The following RBFOX1 variants were observed in gnomAD, a reference collection of about 807,000 sequenced individuals.
RBFOX1 encodes RNA binding fox-1 homolog 1, also known as RNA binding protein fox-1 homolog 1.
A neutral mutation model predicts 57.7 loss-of-function variants in RBFOX1; 8 were observed. That is an observed-to-expected ratio of 0.14 (90% confidence interval 0.08 to 0.25). The LOEUF is 0.25. Ranked by LOEUF, RBFOX1 falls within the 10% of genes least tolerant of loss-of-function variation. The probability of loss-of-function intolerance (pLI) is 1.00; values close to 1 mark genes in which losing one functional copy is unlikely to be tolerated. For missense variants in RBFOX1, 611 were observed against 548.5 expected, an observed-to-expected ratio of 1.11 and a Z score of -1.14; for synonymous variants, 326 against 222.4, an observed-to-expected ratio of 1.47 and a Z score of -4.15.
chr16:7,443,427 C>T (rs1231199780), intron 4 of RBFOX1, among the ~76,000 whole-genome samples: 2 of 151,510 alleles, frequency 1.3e-5, no homozygotes, highest in East Asian at 2.0e-4. Flanking sequence ...AAGAGCTCCC[C>T]CTCCCCTCTT....
chr16:6,428,285 C>CA (rs755273285), intron 2 of RBFOX1, among the ~76,000 whole-genome samples: 2,718 of 49,078 alleles, frequency 0.055, 101 homozygotes, highest in East Asian at 0.2. Context: ...GACCTTGTCT[C>CA]AAAAAAAAAA....
chr16:7,426,019 G>T (rs982265002), intron 4 of RBFOX1, among the ~76,000 whole-genome samples: 1 of 152,188 alleles, frequency 6.6e-6, no homozygotes, highest in African/African-American at 2.4e-5. Context: ...CGGCATCTGG[G>T]CCTCGGATGT....
chr16:5,589,340 A>G (rs2046933230), intron 2 of RBFOX1, among the ~76,000 whole-genome samples: 1 of 152,154 alleles, frequency 6.6e-6, no homozygotes, highest in Non-Finnish European at 1.5e-5. Context: ...CCCAGCGTTC[A>G]ACTTAGATGG....
chr16:6,678,486 A>C (rs1171794961), intron 3 of RBFOX1, among the ~76,000 whole-genome samples: 1 of 151,646 alleles, frequency 6.6e-6, no homozygotes, highest in Non-Finnish European at 1.5e-5. Context: ...TATGGGTCCT[A>C]AACCTTCAAA....
intron 5 of RBFOX1, among the ~76,000 whole-genome samples, chr16:7,535,604 CTT>C (rs2081286756): frequency 6.6e-6 from 1 of 152,194 alleles, no homozygotes; most frequent in African/African-American, 2.4e-5. Context: ...TTTGTAAACT[CTT>C]TCCTGACACC....
At chr16:6,637,167 TTA>T (rs1303306246) in intron 2 of RBFOX1, among the ~76,000 whole-genome samples, 3 of 82,062 alleles carry the variant, frequency 3.7e-5, no homozygotes, top group East Asian at 3.0e-4. Flanking sequence ...ATATTATATA[TTA>T]TATATATTAT....
At chr16:7,034,372 G>A (rs1370097101) in intron 3 of RBFOX1, among the ~76,000 whole-genome samples, 1 of 152,130 alleles carries the variant, frequency 6.6e-6, no homozygotes, top group Non-Finnish European at 1.5e-5. Flanking sequence ...CTGGAGGAGA[G>A]GGGGCTGAGG....
In RBFOX1 at chr16:7,712,889, G is replaced by T. The variant is rs553480803; in HGVS notation, c.*2144G>T. The T allele has an allele frequency of 1.3e-5, 2 of 152,320 alleles. No homozygotes were observed. Among genetic ancestry groups the T allele is most frequent in the Admixed American group, 6.5e-5 (1 of 15,298 alleles). The allele number at this position is 152,320 out of a possible 1,614,324, so 9.4% of individuals were successfully genotyped here. ...GAATCACAAACATAGAATTCTTACT[G>T]TGTTGGTTAAAGTAAAATTCATTTG... On this transcript the variant is annotated 3_prime_UTR_variant, in exon 16 of 16. Transcript: ENST00000550418.
intron 3 of RBFOX1, among the ~76,000 whole-genome samples, chr16:6,793,066 C>A (rs964200337): frequency 2.0e-5 from 3 of 151,608 alleles, no homozygotes; most frequent in African/African-American, 7.3e-5. Context: ...TGCTGTACAT[C>A]TGTTAGCCAC....
intron 7 of RBFOX1, among the ~76,000 whole-genome samples, chr16:7,592,869 G>T (rs1427635400): frequency 6.6e-6 from 1 of 152,018 alleles, no homozygotes; most frequent in Non-Finnish European, 1.5e-5. Flanking sequence ...TGGAGTACAG[G>T]GGTACAATCA....
chr16:6,532,986 G>A (rs903136853), intron 2 of RBFOX1, among the ~76,000 whole-genome samples: 6 of 152,134 alleles, frequency 3.9e-5, no homozygotes, highest in Non-Finnish European at 7.3e-5. Context: ...GTGATTACTC[G>A]AAGTTGTCCT....
At chr16:6,788,980 G>A (rs777358067) in intron 3 of RBFOX1, among the ~76,000 whole-genome samples, 4 of 152,076 alleles carry the variant, frequency 2.6e-5, no homozygotes, top group Non-Finnish European at 4.4e-5. Flanking sequence ...TGGGACATGT[G>A]GTTTTATTCC....
At chr16:5,649,182 C>G (rs762804602) in intron 3 of RBFOX1, among the ~76,000 whole-genome samples, 4 of 151,390 alleles carry the variant, frequency 2.6e-5, no homozygotes, top group Non-Finnish European at 5.9e-5. Flanking sequence ...TATATATGTA[C>G]TTTGTGTTTT....
chr16:5,661,051 A>T (rs2049631295), intron 3 of RBFOX1, among the ~76,000 whole-genome samples: 1 of 152,186 alleles, frequency 6.6e-6, no homozygotes, highest in African/African-American at 2.4e-5. Context: ...TGGCATACTC[A>T]TTCTGCACCT....
chr16:6,477,163 G>C (rs73524619), intron 2 of RBFOX1, among the ~76,000 whole-genome samples: 3,481 of 152,236 alleles, frequency 0.023, 110 homozygotes, highest in African/African-American at 0.068. Context: ...CCAAACTCCT[G>C]TTAATGTTGC....
At chr16:7,026,299 C>A (rs2040909503) in intron 3 of RBFOX1, among the ~76,000 whole-genome samples, 1 of 152,118 alleles carries the variant, frequency 6.6e-6, no homozygotes, top group South Asian at 2.1e-4. Flanking sequence ...GCCACCAGGC[C>A]ATGTTTAATG....
intron 3 of RBFOX1, among the ~76,000 whole-genome samples, chr16:6,878,293 G>A (rs540059770): frequency 6.6e-6 from 1 of 152,130 alleles, no homozygotes; most frequent in Non-Finnish European, 1.5e-5. Flanking sequence ...AGCAGTTCTG[G>A]CTAATGAACT....
chr16:6,138,452 T>C (rs901692467), intron 1 of RBFOX1, among the ~76,000 whole-genome samples: 6 of 152,214 alleles, frequency 3.9e-5, no homozygotes, highest in African/African-American at 1.4e-4. Flanking sequence ...TCCCTGCTCA[T>C]ATGGTAACAT....
chr16:7,384,099 A>G (rs1202640281), intron 4 of RBFOX1, among the ~76,000 whole-genome samples: 1 of 152,004 alleles, frequency 6.6e-6, no homozygotes, highest in Non-Finnish European at 1.5e-5. Flanking sequence ...ATCAGTATAA[A>G]TAGTGAGAAA....
Sources: gnomAD v4.1 joint callset for allele counts (sites outside exome capture counted in the v4.1 genomes callset) on GRCh38, gnomAD v4.1.1 for gene constraint, MANE v1.5 for transcripts, NCBI Gene and HGNC (gene_info 2026-07-23, HGNC 2026-07-21) for gene names.